Variants in NBEA observed in about 807,000 individuals in gnomAD.
The protein encoded by NBEA is lysosomal-trafficking regulator 2.
Under a neutral mutation model 343.4 loss-of-function variants are expected in NBEA, and 44 were observed. That is an observed-to-expected ratio of 0.13 (90% CI 0.10 to 0.16). The LOEUF is 0.16. Among genes scored for constraint, NBEA ranks in the 10% least tolerant of loss-of-function variants. The pLI, the probability that NBEA is intolerant of heterozygous loss-of-function variation, is 1.00. For synonymous variants in NBEA, 1,175 were observed against 1,238.7 expected (o/e 0.95, Z 1.08); for missense variants, 2,555 against 3,631.3 (o/e 0.70, Z 7.62).
chr13:35,334,151 A>G (rs1381284412), intron 36 of NBEA, among the ~76,000 whole-genome samples: 2 of 152,124 alleles, frequency 1.3e-5, no homozygotes. Context: ...GTACTAATTT[A>G]CATTCCCACA....
At position 35,475,367 on chromosome 13, in the gene NBEA, T is replaced by G; in HGVS notation, c.6585+2831T>G. 2 of 1,613,912 alleles carry G rather than the reference T, an allele frequency of 1.2e-6. No homozygotes were observed. The highest frequency in any genetic ancestry group is 2.2e-5 in the South Asian group (2 of 91,058). On this transcript the variant is annotated intron_variant, in intron 41 of 58. Transcript: ENST00000379939. ...CCCGGCAGTTCAAGGTGACGATCCC[T>G]TAAGGTTTTGAGGATGGAGAGGCAC... is the stretch of plus-strand genomic sequence containing the variant.
intron 41 of NBEA, chr13:35,475,179 A>G (rs1226821056): frequency 6.2e-7 from 1 of 1,614,036 alleles, no homozygotes. Context: ...AGTTCGGTAG[A>G]AAGTAGTGGG....
intron 37 of NBEA, among the ~76,000 whole-genome samples, chr13:35,350,304 G>A (rs545982121): frequency 6.6e-6 from 1 of 152,300 alleles, no homozygotes; most frequent in Admixed American, 6.5e-5. Context: ...GCCAAGGGCA[G>A]TGTTTCTCAA....
At chr13:35,201,986 A>G (rs920013021) in intron 31 of NBEA, among the ~76,000 whole-genome samples, 1 of 152,104 alleles carries the variant, frequency 6.6e-6, no homozygotes, top group Non-Finnish European at 1.5e-5. Flanking sequence ...AAATTCTGAA[A>G]TAATTCTTGT....
At chr13:35,082,043 A>G (rs2064435006) in intron 10 of NBEA, among the ~76,000 whole-genome samples, 1 of 152,044 alleles carries the variant, frequency 6.6e-6, no homozygotes, top group Non-Finnish European at 1.5e-5. Context: ...CATTAGGTAT[A>G]TCTCCTAATG....
At chr13:35,310,071 ATT>A (rs534904612) in intron 36 of NBEA, among the ~76,000 whole-genome samples, 1 of 150,206 alleles carries the variant, frequency 6.7e-6, no homozygotes, top group Non-Finnish European at 1.5e-5. Flanking sequence ...ATATTCTATT[ATT>A]TTTTTTTTCT....
At chr13:35,102,414 CAT>C (rs200197300) in intron 11 of NBEA, among the ~76,000 whole-genome samples, 2 of 151,130 alleles carry the variant, frequency 1.3e-5, no homozygotes, top group Admixed American at 6.6e-5. Flanking sequence ...TTTCCATTTC[CAT>C]ATATATATAT....
intron 41 of NBEA, among the ~76,000 whole-genome samples, chr13:35,514,085 C>G (rs555683083): frequency 1.3e-5 from 2 of 151,922 alleles, no homozygotes; most frequent in East Asian, 3.9e-4. Flanking sequence ...TTATTTTTCC[C>G]CAGACTCTAC....
chr13:35,538,624 C>T (rs2078667478), intron 41 of NBEA, among the ~76,000 whole-genome samples: 1 of 152,188 alleles, frequency 6.6e-6, no homozygotes, highest in Admixed American at 6.5e-5. Flanking sequence ...CTCTACCTAC[C>T]ATGCTGGGTT....
intron 38 of NBEA, among the ~76,000 whole-genome samples, chr13:35,423,405 G>A (rs927165574): frequency 2.0e-5 from 3 of 152,112 alleles, no homozygotes; most frequent in African/African-American, 4.8e-5. Flanking sequence ...ATTAAATAGG[G>A]AATCCTTTCC....
Position 35,359,281 on chromosome 13 carries a change from C to CTT in NBEA, c.6179+6963_6179+6964dup, listed in dbSNP as rs570625033. Among the ~76,000 whole-genome samples the CTT allele has an allele frequency of 2.9e-3, 444 of 152,176 alleles. 3 individuals are homozygous for CTT. The highest frequency in any genetic ancestry group is 9.8e-3 in the African/African-American group (405 of 41,526). On this transcript the variant is annotated intron_variant, in intron 38 of 58. Transcript: ENST00000379939. ...ATAGCATCCCTTGGCTTTCTCTTAT[C>CTT]TTTTTTAACACTGCTTCCCCATATT...
chr13:35,670,792 G>A (rs574740040), intron 58 of NBEA, 109 bp from the exon 59 acceptor site: 83 of 704,128 alleles, frequency 1.2e-4, no homozygotes, highest in South Asian at 1.1e-3. Flanking sequence ...CCTTGAGATC[G>A]TGATATTGTC....
intron 41 of NBEA, among the ~76,000 whole-genome samples, chr13:35,501,075 CAAAGT>C (rs1374973949): frequency 6.6e-6 from 1 of 152,094 alleles, no homozygotes; most frequent in East Asian, 1.9e-4. Flanking sequence ...CTGCTACACA[CAAAGT>C]AAAGATTTAT....
At chr13:35,665,025 G>A (rs1174119651) in intron 55 of NBEA, 60 bp from the exon 56 acceptor site, 4 of 1,116,136 alleles carry the variant, frequency 3.6e-6, no homozygotes, top group Non-Finnish European at 5.3e-6. Context: ...TGCATTGCTG[G>A]TGTAGCTCTC....
At chr13:35,212,784 A>T (rs1467990768) in intron 33 of NBEA, among the ~76,000 whole-genome samples, 2 of 152,064 alleles carry the variant, frequency 1.3e-5, no homozygotes, top group African/African-American at 4.8e-5. Context: ...ATAATAAATG[A>T]GGTTGAATAC....
chr13:35,082,896 T>G (rs1254781738), intron 10 of NBEA, among the ~76,000 whole-genome samples: 2 of 152,204 alleles, frequency 1.3e-5, no homozygotes, highest in Admixed American at 1.3e-4. Flanking sequence ...GTAGTTTCTT[T>G]TGCTGTGCAG....
chr13:35,270,404 G>A (rs751063086), intron 34 of NBEA, among the ~76,000 whole-genome samples: 2 of 152,226 alleles, frequency 1.3e-5, no homozygotes, highest in Non-Finnish European at 2.9e-5. Context: ...ACAGGTCCCA[G>A]CAAGATTTAC....
chr13:35,519,810 T>C (rs1029059027), intron 41 of NBEA, among the ~76,000 whole-genome samples: 1 of 152,248 alleles, frequency 6.6e-6, no homozygotes, highest in African/African-American at 2.4e-5. Context: ...TTTTGAAATA[T>C]ACAATACATT....
At chr13:34,948,357 G>A (rs901316721) in intron 1 of NBEA, among the ~76,000 whole-genome samples, 4 of 152,164 alleles carry the variant, frequency 2.6e-5, no homozygotes, top group Admixed American at 1.3e-4. Context: ...CAGGAATTGT[G>A]CTGGAAGGCT....
Sources: gnomAD v4.1 joint callset for allele counts (sites outside exome capture counted in the v4.1 genomes callset) on GRCh38, gnomAD v4.1.1 for gene constraint, MANE v1.5 for transcripts, NCBI Gene and HGNC (gene_info 2026-07-23, HGNC 2026-07-21) for gene names.